The following IL1RAPL1 variants were observed in gnomAD, a reference collection of about 807,000 sequenced individuals.
The protein encoded by IL1RAPL1 is interleukin 1 receptor accessory protein like 1, also known as interleukin-1 receptor accessory protein-like 1.
In IL1RAPL1, 3 loss-of-function variants were observed where a neutral mutation model predicts 48.4. The observed-to-expected ratio is 0.06, with a 90% confidence interval of 0.03 to 0.16. The LOEUF (loss-of-function observed/expected upper bound fraction) is 0.16, where lower values mean the gene tolerates loss of function less well. Among genes scored for constraint, IL1RAPL1 ranks in the 10% least tolerant of loss-of-function variants. The pLI is 1.00. For missense variants in IL1RAPL1, 349 were observed against 530.6 expected, an observed-to-expected ratio of 0.66 and a Z score of 3.36; for synonymous variants, 185 against 187.7, an observed-to-expected ratio of 0.99 and a Z score of 0.12.
intron 2 of IL1RAPL1, among the ~76,000 whole-genome samples, chrX:29,118,428 C>A (rs747481012): frequency 9.0e-6 from 1 of 111,536 alleles, no homozygotes; most frequent in Non-Finnish European, 1.9e-5. Context: ...AGTTCTAGAG[C>A]TAGATTTCTA....
At chrX:28,994,046 C>G (rs949083845) in intron 2 of IL1RAPL1, among the ~76,000 whole-genome samples, 2 of 109,596 alleles carry the variant, frequency 1.8e-5, no homozygotes, top group African/African-American at 6.7e-5. Context: ...CATTCTGGTA[C>G]ATTCTAGAAT....
intron 8 of IL1RAPL1, among the ~76,000 whole-genome samples, chrX:29,935,175 G>T (rs971551841): frequency 9.1e-6 from 1 of 109,780 alleles, no homozygotes; most frequent in Non-Finnish European, 1.9e-5. Context: ...CACCGGGGGT[G>T]GGGGGGATGA....
chrX:29,410,428 T>C (rs1934129175), intron 5 of IL1RAPL1, among the ~76,000 whole-genome samples: 1 of 107,575 alleles, frequency 9.3e-6, no homozygotes, highest in African/African-American at 3.4e-5. Context: ...ACCACTGCAC[T>C]CTAGCCTGGG....
chrX:29,453,843 A>C (rs897703981), intron 5 of IL1RAPL1, among the ~76,000 whole-genome samples: 1 of 112,501 alleles, frequency 8.9e-6, no homozygotes, highest in Non-Finnish European at 1.9e-5. Context: ...TTTCAACTAT[A>C]AAACATTTCA....
At chrX:29,106,010 A>G (rs73460408) in intron 2 of IL1RAPL1, among the ~76,000 whole-genome samples, 3,664 of 112,337 alleles carry the variant, frequency 0.033, 163 homozygotes, top group African/African-American at 0.11. Context: ...TAATTCTTCC[A>G]TCAACTTGAC....
intron 2 of IL1RAPL1, among the ~76,000 whole-genome samples, chrX:28,998,849 T>G (rs1335829807): frequency 8.9e-6 from 1 of 112,176 alleles, no homozygotes. Context: ...ATTCCAAGCC[T>G]TCTTTCAACA....
At chrX:29,482,179 G>A (rs539530195) in intron 5 of IL1RAPL1, among the ~76,000 whole-genome samples, 2 of 111,482 alleles carry the variant, frequency 1.8e-5, no homozygotes, top group Middle Eastern at 9.2e-3. Context: ...AACCTTCAAG[G>A]CATCTTTCTG....
At chrX:29,371,234 C>T (rs1044148487) in intron 3 of IL1RAPL1, among the ~76,000 whole-genome samples, 7 of 102,314 alleles carry the variant, frequency 6.8e-5, no homozygotes, top group Middle Eastern at 5.5e-3. Flanking sequence ...CAGGTTCAAG[C>T]GATTCTCCTG....
Position 29,955,710 on chromosome X carries a change from C to T in IL1RAPL1, c.1981C>T (p.Arg661Trp), listed in dbSNP as rs1933406161. Residue 661 changes from arginine (R) to tryptophan (W), a missense_variant, in exon 11 of 11, where the codon CGG (arginine) becomes TGG (tryptophan). By Grantham distance (101) the Arg-to-Trp change is moderately radical. Coordinates refer to ENST00000378993, the MANE Select transcript of IL1RAPL1 (RefSeq NM_014271.4). ...CCCTATGACACTCATCAACGGGCAG[C>T]GGCCACAGACAAAATCGAGCAGGGA... ...NIPMTLINGQRPQTKSSREQN... is the reference protein window; with the variant it reads ...NIPMTLINGQWPQTKSSREQN... 2 of 1,211,452 alleles carry T rather than the reference C, an allele frequency of 1.7e-6. No homozygotes were observed. The highest frequency in any genetic ancestry group is 2.2e-6 in the Non-Finnish European group (2 of 895,199).
chrX:29,444,444 G>T (rs1934588074), intron 5 of IL1RAPL1, among the ~76,000 whole-genome samples: 1 of 109,368 alleles, frequency 9.1e-6, no homozygotes, highest in Middle Eastern at 4.4e-3. Flanking sequence ...GGCCAGGTAT[G>T]GTGGCTGTAA....
rs558138684 is a variant in IL1RAPL1, at chrX:29,453,902, A to G, written c.703+54594A>G. ...GAATATACATTCCTCTGCATCATCTATGTGTTCTAAATATATTTTGGTTGA... is the reference window on the plus strand; with the variant it reads ...GAATATACATTCCTCTGCATCATCTGTGTGTTCTAAATATATTTTGGTTGA... On this transcript the variant is annotated intron_variant, in intron 5 of 10. Transcript: ENST00000378993. Among the ~76,000 whole-genome samples the G allele has an allele frequency of 3.2e-4, 36 of 112,460 alleles. No homozygotes were observed. The South Asian group carries it at 0.013, about 40-fold the overall frequency.
intron 2 of IL1RAPL1, among the ~76,000 whole-genome samples, chrX:29,136,192 A>G (rs1929123966): frequency 1.0e-5 from 1 of 99,900 alleles, no homozygotes; most frequent in South Asian, 4.6e-4. Flanking sequence ...CAATGGCACA[A>G]TCTTGGCTCA....
At chrX:29,136,271 G>A (rs1304128249) in intron 2 of IL1RAPL1, among the ~76,000 whole-genome samples, 3 of 108,883 alleles carry the variant, frequency 2.8e-5, no homozygotes, top group African/African-American at 1.0e-4. Flanking sequence ...GGGATTATAG[G>A]CATGCACCAC....
intron 9 of IL1RAPL1, among the ~76,000 whole-genome samples, chrX:29,950,355 A>G (rs1434162717): frequency 1.8e-5 from 2 of 112,019 alleles, no homozygotes; most frequent in East Asian, 2.8e-4. Flanking sequence ...AGGACGATCT[A>G]TCATGGAGCC....
intron 2 of IL1RAPL1, among the ~76,000 whole-genome samples, chrX:28,911,294 G>T (rs950679694): frequency 9.0e-6 from 1 of 111,362 alleles, no homozygotes; most frequent in Admixed American, 9.6e-5. Flanking sequence ...GGAAGTAATT[G>T]AGGTTGCATA....
Position 29,744,061 on chromosome X carries a change from TTTG to T in IL1RAPL1, c.778+75566_778+75568del, listed in dbSNP as rs767301730. Among the ~76,000 whole-genome samples, 32 of 112,159 alleles carry T rather than the reference TTTG, an allele frequency of 2.9e-4. 1 individual carries two copies. In the East Asian group the frequency reaches 7.6e-3, roughly 27 times the overall value. ...CAGCGCCATCACTGCCTTAGTACTT[TTTG>T]TTGTTGTTCAGCATTATTGATTTTT... On this transcript the variant is annotated intron_variant, in intron 6 of 10. Transcript: ENST00000378993.
chrX:28,946,330 G>A (rs1176935303), intron 2 of IL1RAPL1, among the ~76,000 whole-genome samples: 1 of 85,838 alleles, frequency 1.2e-5, no homozygotes, highest in Admixed American at 1.2e-4. Context: ...AGTTTGTAGG[G>A]GAAAGCAATA....
chrX:28,898,361 C>T (rs765620601), intron 2 of IL1RAPL1, among the ~76,000 whole-genome samples: 97 of 111,834 alleles, frequency 8.7e-4, no homozygotes, highest in African/African-American at 2.8e-3. Flanking sequence ...AAAATTTCTC[C>T]TGTATTTTCT....
chrX:29,495,994 C>G (rs144086469), intron 5 of IL1RAPL1, among the ~76,000 whole-genome samples: 4 of 110,797 alleles, frequency 3.6e-5, no homozygotes, highest in Non-Finnish European at 7.6e-5. Context: ...GTAGGCAAAT[C>G]TGAAGACCTC....
Sources: gnomAD v4.1 joint callset for allele counts (sites outside exome capture counted in the v4.1 genomes callset) on GRCh38, gnomAD v4.1.1 for gene constraint, MANE v1.5 for transcripts, NCBI Gene and HGNC (gene_info 2026-07-23, HGNC 2026-07-21) for gene names.